Variants in FUT9 observed in about 807,000 individuals in gnomAD.
FUT9 encodes the protein 4-galactosyl-N-acetylglucosaminide 3-alpha-L-fucosyltransferase 9.
FUT9 carries 15 observed loss-of-function variants against 29.7 expected under a neutral mutation model. That is an observed-to-expected ratio of 0.51 (90% CI 0.34 to 0.78). The LOEUF (loss-of-function observed/expected upper bound fraction) is 0.78. Ranked by LOEUF, FUT9 falls within the 30% of genes least tolerant of loss-of-function variation. The pLI is 0.01. For synonymous variants in FUT9, 169 were observed against 153.7 expected (o/e 1.10, Z -0.74); for missense variants, 319 against 425.4 (o/e 0.75, Z 2.20).
chr6:96,113,798 A>G (rs1191737132), intron 1 of FUT9, among the ~76,000 whole-genome samples: 1 of 150,874 alleles, frequency 6.6e-6, no homozygotes, highest in Non-Finnish European at 1.5e-5. Context: ...TGCTTGCAGT[A>G]AGCCGAGATC....
chr6:96,202,208 CT>C (rs1056527511), intron 2 of FUT9, among the ~76,000 whole-genome samples: 1 of 151,918 alleles, frequency 6.6e-6, no homozygotes, highest in Non-Finnish European at 1.5e-5. Flanking sequence ...CTTGAAAACA[CT>C]TTTTTCTTTA....
At chr6:96,178,584 C>G (rs951515935) in intron 2 of FUT9, among the ~76,000 whole-genome samples, 1 of 152,110 alleles carries the variant, frequency 6.6e-6, no homozygotes, top group African/African-American at 2.4e-5. Flanking sequence ...CGTCTTTAGT[C>G]AACATAAGAC....
intron 1 of FUT9, among the ~76,000 whole-genome samples, chr6:96,064,801 T>G (rs1481523721): frequency 6.6e-6 from 1 of 151,894 alleles, no homozygotes. Context: ...CATTCAATTT[T>G]CTCCCCACCT....
At chr6:96,088,549 TGTGTGTG>T (rs1342853904) in intron 1 of FUT9, among the ~76,000 whole-genome samples, 2 of 151,500 alleles carry the variant, frequency 1.3e-5, no homozygotes, top group Non-Finnish European at 2.9e-5. Context: ...TGTGTGTGTG[TGTGTGTG>T]TGTGTGTGTG....
intron 1 of FUT9, among the ~76,000 whole-genome samples, chr6:96,085,454 T>C (rs1771300845): frequency 2.0e-5 from 3 of 152,206 alleles, no homozygotes; most frequent in Admixed American, 1.3e-4. Context: ...CGTAGAGCAC[T>C]CACAATCTAA....
At chr6:96,108,215 A>G (rs558516921) in intron 1 of FUT9, among the ~76,000 whole-genome samples, 1 of 152,240 alleles carries the variant, frequency 6.6e-6, no homozygotes, top group South Asian at 2.1e-4. Context: ...GTGAGGGGAA[A>G]ATTTTCTTTT....
At chr6:96,110,791 G>A (rs1483224077) in intron 1 of FUT9, among the ~76,000 whole-genome samples, 1 of 72,384 alleles carries the variant, frequency 1.4e-5, no homozygotes, top group Non-Finnish European at 3.2e-5. Context: ...GAGTAGCTGG[G>A]ACTACAGGTA....
At chr6:96,141,503 A>G (rs1049065033) in intron 2 of FUT9, among the ~76,000 whole-genome samples, 3 of 152,188 alleles carry the variant, frequency 2.0e-5, no homozygotes, top group African/African-American at 7.2e-5. Context: ...AAATTAAAGC[A>G]AGAAAGTGGA....
At chr6:96,181,445 A>AT (rs962395379) in intron 2 of FUT9, among the ~76,000 whole-genome samples, 7 of 150,728 alleles carry the variant, frequency 4.6e-5, no homozygotes, top group South Asian at 2.1e-4. Flanking sequence ...TTCTTTTTTA[A>AT]TTTTTTTTTC....
At chr6:96,193,390 A>C (rs1185442101) in intron 2 of FUT9, among the ~76,000 whole-genome samples, 1 of 125,938 alleles carries the variant, frequency 7.9e-6, no homozygotes, top group Non-Finnish European at 1.7e-5. Context: ...AAAGTGGGCG[A>C]AGGATGTGAA....
Position 96,176,673 on chromosome 6 carries a change from G to A in FUT9, c.-8-26475G>A, listed in dbSNP as rs560100692. ...TTGCCCAGTTGAAATTCAAGAGAAT[G>A]AGTAGAGGCATCTTCTCATCTGCTA... On this transcript the variant is annotated intron_variant, in intron 2 of 2. Transcript: ENST00000302103. Among the ~76,000 whole-genome samples, 25 of 152,262 alleles carry A rather than the reference G, an allele frequency of 1.6e-4. 1 individual carries two copies. In the East Asian group the frequency reaches 4.1e-3, roughly 25 times the overall value.
At chr6:96,097,269 G>A (rs1393120221) in intron 1 of FUT9, among the ~76,000 whole-genome samples, 1 of 152,222 alleles carries the variant, frequency 6.6e-6, no homozygotes, top group African/African-American at 2.4e-5. Flanking sequence ...AATATAGTGT[G>A]GGAATCACAG....
intron 1 of FUT9, among the ~76,000 whole-genome samples, chr6:96,081,780 C>T (rs1416668290): frequency 6.6e-6 from 1 of 151,900 alleles, no homozygotes; most frequent in East Asian, 1.9e-4. Flanking sequence ...TTTACACTCA[C>T]ATTAGCAATA....
At chr6:96,043,912 A>C (rs1770512760) in intron 1 of FUT9, among the ~76,000 whole-genome samples, 1 of 152,218 alleles carries the variant, frequency 6.6e-6, no homozygotes, top group African/African-American at 2.4e-5. Context: ...TAGTCTTTAC[A>C]AGTTCAGGTT....
At chr6:96,052,750 CT>C (rs1412618750) in intron 1 of FUT9, among the ~76,000 whole-genome samples, 1 of 151,736 alleles carries the variant, frequency 6.6e-6, no homozygotes, top group African/African-American at 2.4e-5. Flanking sequence ...TTAAAAGTTT[CT>C]AGTTTTTTGG....
In FUT9 at chr6:96,114,045, A is replaced by G. The variant is rs933310099; in HGVS notation, c.-91A>G. On this transcript the variant is annotated 5_prime_UTR_variant, in exon 2 of 3. Transcript: ENST00000302103. Reference sequence around the variant, plus strand: ...TATTTCTCTTTCTCATCAGATTTAGAATGTAATAACTCAAGGATTTGATAA... The same window carrying G: ...TATTTCTCTTTCTCATCAGATTTAGGATGTAATAACTCAAGGATTTGATAA... 1 of 152,170 alleles carries G rather than the reference A, an allele frequency of 6.6e-6. No individual in the cohort carries two copies. The highest frequency in any genetic ancestry group is 2.4e-5 in the African/African-American group (1 of 41,458). The allele number at this position is 152,170 out of a possible 1,614,324, so 9.4% of individuals were successfully genotyped here.
chr6:96,130,566 G>A (rs931303506), intron 2 of FUT9, among the ~76,000 whole-genome samples: 6 of 152,208 alleles, frequency 3.9e-5, no homozygotes, highest in Non-Finnish European at 8.8e-5. Flanking sequence ...TGCAATTCAT[G>A]AGCCTGAGTG....
rs561362116 is a variant in FUT9 at position 96,179,883 on chromosome 6, C to T, written c.-8-23265C>T. On this transcript the variant is annotated intron_variant, in intron 2 of 2. Transcript: ENST00000302103. Reference sequence around the variant, plus strand: ...CACAGCTTATGACAAAATAATTGTGCAGTAATTACTCTAAAAGATGAGACA... The same window carrying T: ...CACAGCTTATGACAAAATAATTGTGTAGTAATTACTCTAAAAGATGAGACA... Among the ~76,000 whole-genome samples, 278 of 152,140 alleles carry T rather than the reference C, an allele frequency of 1.8e-3. 2 individuals carry two copies. Among genetic ancestry groups the T allele is most frequent in the African/African-American group, 6.2e-3 (258 of 41,520 alleles).
chr6:96,110,200 G>A (rs1366822387), intron 1 of FUT9, among the ~76,000 whole-genome samples: 1 of 152,064 alleles, frequency 6.6e-6, no homozygotes, highest in Non-Finnish European at 1.5e-5. Context: ...TGCTAATTCA[G>A]CCTGCCCTTG....
Sources: allele counts gnomAD v4.1 joint callset (sites outside exome capture counted in the v4.1 genomes callset), GRCh38; gene constraint gnomAD v4.1.1; transcripts MANE v1.5; gene names NCBI Gene and HGNC (gene_info 2026-07-23, HGNC 2026-07-21).